The following ARHGEF3 variants were observed in gnomAD, a reference collection of about 807,000 sequenced individuals.
ARHGEF3 encodes the protein 59.8 kDA protein.
A neutral mutation model predicts 63.2 loss-of-function variants in ARHGEF3; 28 were observed. That is an observed-to-expected ratio of 0.44 (90% CI 0.33 to 0.61). The LOEUF is 0.61. ARHGEF3 is among the 20% of genes least tolerant of loss of function. ARHGEF3 has a pLI of 0.03. For synonymous variants in ARHGEF3, 266 were observed against 254.2 expected (o/e 1.05, Z -0.44); for missense variants, 533 against 659.3 (o/e 0.81, Z 2.10).
intron 3 of ARHGEF3, among the ~76,000 whole-genome samples, chr3:56,903,198 A>G (rs1175313778): frequency 6.6e-6 from 1 of 152,158 alleles, no homozygotes; most frequent in Non-Finnish European, 1.5e-5. Flanking sequence ...GGTAGGGGTC[A>G]TCGTGGGAGA....
chr3:56,758,677 A>G (rs1361498157), intron 2 of ARHGEF3, among the ~76,000 whole-genome samples: 1 of 152,170 alleles, frequency 6.6e-6, no homozygotes, highest in Non-Finnish European at 1.5e-5. Context: ...ACAGTTCACT[A>G]ATGGTATCTT....
intron 1 of ARHGEF3, among the ~76,000 whole-genome samples, chr3:57,057,611 A>G (rs1481440870): frequency 6.6e-6 from 1 of 152,068 alleles, no homozygotes; most frequent in Non-Finnish European, 1.5e-5. Context: ...AGTCACACCC[A>G]CACCCACACC....
chr3:56,842,539 T>A (rs2039347463), intron 4 of ARHGEF3, among the ~76,000 whole-genome samples: 1 of 152,218 alleles, frequency 6.6e-6, no homozygotes, highest in African/African-American at 2.4e-5. Context: ...TAGAAACCAA[T>A]GCTTTTAACT....
chr3:56,840,579 T>G (rs1457292084), intron 4 of ARHGEF3, among the ~76,000 whole-genome samples: 1 of 152,158 alleles, frequency 6.6e-6, no homozygotes, highest in Non-Finnish European at 1.5e-5. Flanking sequence ...GTGCCGTGAG[T>G]AAGCACCATA....
At chr3:56,864,155 C>T (rs578027790) in intron 4 of ARHGEF3, among the ~76,000 whole-genome samples, 2 of 152,322 alleles carry the variant, frequency 1.3e-5, no homozygotes, top group Admixed American at 6.5e-5. Flanking sequence ...AATGACACCC[C>T]TGCCTAACAC....
chr3:56,958,092 GA>G lies in ARHGEF3; in HGVS notation c.129+730del, dbSNP rs528020835. ...TAAAGCTTACAGACTTCTCCTTCTG[GA>G]AAACAAAGCTCCCTGTGAAGGCATA... On this transcript the variant is annotated intron_variant, in intron 3 of 12. Coordinates refer to the ARHGEF3 transcript ENST00000338458. Among the ~76,000 whole-genome samples the G allele has an allele frequency of 8.5e-5, 13 of 152,134 alleles. No homozygotes were observed. In the South Asian group the frequency reaches 2.3e-3, roughly 27 times the overall value.
At chr3:56,778,804 G>A (rs1189978473) in intron 1 of ARHGEF3, among the ~76,000 whole-genome samples, 1 of 152,090 alleles carries the variant, frequency 6.6e-6, no homozygotes, top group Non-Finnish European at 1.5e-5. Flanking sequence ...CAAAGTGCTG[G>A]GGATTACAGG....
intron 1 of ARHGEF3, among the ~76,000 whole-genome samples, chr3:57,051,036 A>G (rs967982009): frequency 6.6e-6 from 1 of 152,146 alleles, no homozygotes; most frequent in African/African-American, 2.4e-5. Flanking sequence ...ACCTGTTTGC[A>G]TTTGAGAAAG....
chr3:56,878,905 G>A (rs534412305), intron 4 of ARHGEF3, among the ~76,000 whole-genome samples: 86 of 152,300 alleles, frequency 5.6e-4, no homozygotes, highest in African/African-American at 1.7e-3. Context: ...TCTCATTACC[G>A]CCTGAGTTCC....
At chr3:56,947,408 G>C (rs572867709) in intron 3 of ARHGEF3, among the ~76,000 whole-genome samples, 1 of 152,180 alleles carries the variant, frequency 6.6e-6, no homozygotes, top group South Asian at 2.1e-4. Context: ...ACACATATAG[G>C]CTCAAAATAA....
At chr3:57,000,305 AACTCCCAC>A (rs1274391153) in intron 2 of ARHGEF3, among the ~76,000 whole-genome samples, 33 of 79,332 alleles carry the variant, frequency 4.2e-4, no homozygotes, top group South Asian at 4.5e-4. Flanking sequence ...TTTAGAGGGT[AACTCCCAC>A]ACACACACAC....
At chr3:57,069,376 A>AAC (rs147675971) in intron 1 of ARHGEF3, among the ~76,000 whole-genome samples, 7,416 of 146,144 alleles carry the variant, frequency 0.051, 221 homozygotes, top group East Asian at 0.14. Context: ...CTGTCTCTCA[A>AAC]ACACACACAC....
At chr3:56,762,767 A>C (rs2035493550) in intron 2 of ARHGEF3, among the ~76,000 whole-genome samples, 1 of 152,298 alleles carries the variant, frequency 6.6e-6, no homozygotes, top group South Asian at 2.1e-4. Context: ...CTGTAAGAGG[A>C]AAAAACTCTC....
intron 2 of ARHGEF3, among the ~76,000 whole-genome samples, chr3:57,006,628 C>T (rs543872967): frequency 6.6e-6 from 1 of 152,254 alleles, no homozygotes; most frequent in East Asian, 1.9e-4. Flanking sequence ...ACAGGCAGAT[C>T]GTAGCTTTTC....
intron 2 of ARHGEF3, among the ~76,000 whole-genome samples, chr3:56,767,998 C>T (rs537727170): frequency 3.3e-4 from 50 of 150,932 alleles, no homozygotes; most frequent in African/African-American, 1.2e-3. Flanking sequence ...TCCACCTGCC[C>T]CGGCTTCCCA....
rs377187203 is a variant in ARHGEF3, at chr3:57,039,391, C to T, written c.-27-4215G>A. Among the ~76,000 whole-genome samples, 89 of 152,254 alleles carry T rather than the reference C, an allele frequency of 5.8e-4. 1 individual carries two copies. The South Asian group carries it at 0.017, about 29-fold the overall frequency. On this transcript the variant is annotated intron_variant, in intron 1 of 12. Coordinates refer to the ARHGEF3 transcript ENST00000338458. The stretch of plus-strand genomic sequence containing the variant: ...AATTGGTCCCACCATCTTGGAAGAC[C>T]GTGACAATGTCGAGTCAACCTGCAT...
intron 1 of ARHGEF3, among the ~76,000 whole-genome samples, chr3:57,059,910 C>T (rs1273236668): frequency 2.0e-5 from 3 of 152,120 alleles, no homozygotes; most frequent in East Asian, 1.9e-4. Flanking sequence ...GCAGGAGAAT[C>T]GCTTGAACCT....
rs528398302 is a variant in ARHGEF3, at chr3:56,992,713, G to A, written c.63-33824C>T. 3.9e-5 allele frequency among the ~76,000 whole-genome samples: 6 copies of A among 152,352 alleles called. No individual in the cohort carries two copies. In the East Asian group the frequency reaches 7.7e-4, roughly 20 times the overall value. ...TGTGAACATGAGCTGCTCAGTGCCA[G>A]GTGCTCTCTCAACCCCAGCGCAGTC... On this transcript the variant is annotated intron_variant, in intron 2 of 12. Transcript: ENST00000338458.
Position 56,870,380 on chromosome 3 carries a change from A to C in ARHGEF3, c.192+11912T>G, listed in dbSNP as rs1201099336. ...AAAGAAGTCAATCTGAAAAGGCTATATACTGTATCCTTCCAACTATATGGC... is the reference window on the plus strand; with the variant it reads ...AAAGAAGTCAATCTGAAAAGGCTATCTACTGTATCCTTCCAACTATATGGC... On this transcript the variant is annotated intron_variant, in intron 4 of 12. Transcript: ENST00000338458. 2.6e-5 allele frequency among the ~76,000 whole-genome samples: 4 copies of C among 152,346 alleles called. No homozygotes were observed. The East Asian group carries it at 5.8e-4, about 22-fold the overall frequency.
Sources: allele counts gnomAD v4.1 joint callset (sites outside exome capture counted in the v4.1 genomes callset), GRCh38; gene constraint gnomAD v4.1.1; transcripts MANE v1.5; gene names NCBI Gene and HGNC (gene_info 2026-07-23, HGNC 2026-07-21).